The following AGRN variants were observed in gnomAD, a reference collection of about 807,000 sequenced individuals.
AGRN encodes the protein agrin proteoglycan.
AGRN carries 106 observed loss-of-function variants against 211.0 expected under a neutral mutation model. That is an observed-to-expected ratio of 0.50 (90% confidence interval 0.43 to 0.59). The LOEUF is 0.59. Among genes scored for constraint, AGRN ranks in the 20% least tolerant of loss-of-function variants. AGRN has a pLI of 0.00. For missense variants in AGRN, 3,040 were observed against 2,982.6 expected, an observed-to-expected ratio of 1.02 and a Z score of -0.45; for synonymous variants, 1,525 against 1,332.5, an observed-to-expected ratio of 1.14 and a Z score of -3.15.
At chr1:1,052,027 C>T (rs1645310396) in intron 33 of AGRN, 12 of 1,521,358 alleles carry the variant, frequency 7.9e-6, no homozygotes, top group Non-Finnish European at 9.7e-6. Context: ...GTGAGTAGAG[C>T]TCGGCGCCCC....
At chr1:1,037,051 G>A (rs1644819581) in intron 3 of AGRN, among the ~76,000 whole-genome samples, 1 of 152,186 alleles carries the variant, frequency 6.6e-6, no homozygotes, top group Non-Finnish European at 1.5e-5. Context: ...GGGCAGGAGG[G>A]TATGGACTCA....
chr1:1,036,807 G>A (rs1016279907), intron 3 of AGRN, among the ~76,000 whole-genome samples: 26 of 152,170 alleles, frequency 1.7e-4, no homozygotes, highest in Non-Finnish European at 2.9e-4. Context: ...ACCGGTCTGC[G>A]TGGCCAAGGT....
At position 1,054,861 on chromosome 1, in the gene AGRN, C is replaced by A; in HGVS notation, c.6018C>A (p.Pro2006=). The change falls in exon 36 of 36, where the codon CCC becomes CCA. Residue 2006 remains proline (P), a synonymous_variant. Coordinates refer to ENST00000379370, the MANE Select transcript of AGRN (RefSeq NM_198576.4). ...LPELPVGPAL[P]KAYGTGFVGC... ...AGCTGCCCGTGGGCCCAGCACTGCC[C>A]AAGGCCTACGGCACAGGCTTTGTGG... 1.3e-6 allele frequency: 2 copies of A among 1,558,922 alleles called. No homozygotes were observed. The highest frequency in any genetic ancestry group is 1.7e-6 in the Non-Finnish European group (2 of 1,152,982).
At chr1:1,030,389 G>T (rs1644637012) in intron 2 of AGRN, among the ~76,000 whole-genome samples, 1 of 123,202 alleles carries the variant, frequency 8.1e-6, no homozygotes, top group African/African-American at 3.0e-5. Context: ...GTGTGTGTGT[G>T]TGTGCAGTGC....
rs778437680 is a variant in AGRN, at chr1:1,043,987, C to G, written c.1963C>G (p.Gln655Glu). Residue 655 changes from glutamine (Q) to glutamate (E), a missense_variant, in exon 10 of 36, where the codon CAG (glutamine) becomes GAG (glutamate). Gln to Glu is a conservative substitution (Grantham distance 29). Around this residue, in one of 3 missense-constraint regions of AGRN, gnomAD observed 1,498 missense variants for 1,457.8 expected, o/e 1.03. Coordinates refer to ENST00000379370, the MANE Select transcript of AGRN (RefSeq NM_198576.4). ...GGAAGCCGCCTGCCTCCAGCAGACA[C>G]AGATCGAGGAGGCCCGGGCAGGGCC... The part of the protein sequence containing the change: ...LREAACLQQT[Q>E]IEEARAGPCE... 7 of 1,606,846 alleles carry G rather than the reference C, an allele frequency of 4.4e-6. No homozygotes were observed. Among genetic ancestry groups the G allele is most frequent in the Non-Finnish European group, 4.2e-6 (5 of 1,178,958 alleles).
intron 3 of AGRN, among the ~76,000 whole-genome samples, chr1:1,040,183 G>A (rs1644893774): frequency 1.3e-5 from 2 of 152,336 alleles, no homozygotes; most frequent in South Asian, 4.1e-4. Flanking sequence ...CTGCAGCAGC[G>A]CGGGAAGGGG....
rs1344161245 is a variant in AGRN, at chr1:1,049,956, G to A, written c.4798G>A (p.Ala1600Thr). The change falls in exon 27 of 36, where the codon GCG becomes ACG. Residue 1600 changes from alanine (A) to threonine (T), a missense_variant. Physicochemically the swap from Ala to Thr is moderately conservative, Grantham distance 58. Coordinates refer to ENST00000379370, the MANE Select transcript of AGRN (RefSeq NM_198576.4). ...SPCQPNPCHG[A>T]APCRVLPEGG... ...CTGCCAGCCCAACCCCTGCCATGGG[G>A]CGGCGCCCTGCCGTGTGCTGCCCGA... The A allele has an allele frequency of 1.2e-6, 2 of 1,612,290 alleles. No individual in the cohort carries two copies. Among genetic ancestry groups the A allele is most frequent in the Admixed American group, 3.3e-5 (2 of 60,004 alleles).
intron 2 of AGRN, among the ~76,000 whole-genome samples, chr1:1,023,351 A>G (rs2341363): frequency 0.35 from 53,643 of 151,986 alleles, 9,789 homozygotes; most frequent in Non-Finnish European, 0.38. Context: ...CCTGGGGGCT[A>G]TGCAGGGGGA....
chr1:1,047,430 G>A lies in AGRN; in HGVS notation c.3492G>A (p.Glu1164=). The part of the protein sequence containing the change: ...MADPKSELFG[E]TARSIESTLD... ...ACCCCAAGTCAGAACTGTTCGGGGAGACAGCCAGGAGCATTGAGAGCACCG... is the reference window on the plus strand; with the variant it reads ...ACCCCAAGTCAGAACTGTTCGGGGAAACAGCCAGGAGCATTGAGAGCACCG... The change falls in exon 20 of 36, where the codon GAG becomes GAA. Residue 1164 remains glutamate, a synonymous_variant. Transcript: ENST00000379370. The A allele has an allele frequency of 6.2e-7, 1 of 1,612,774 alleles. No homozygotes were observed. The highest frequency in any genetic ancestry group is 1.1e-5 in the South Asian group (1 of 91,076).
intron 2 of AGRN, among the ~76,000 whole-genome samples, chr1:1,030,419 G>A (rs28970610): frequency 7.9e-5 from 6 of 76,190 alleles, no homozygotes; most frequent in Admixed American, 1.4e-4. Context: ...TGAGATCAGC[G>A]TGTGTGTGTG....
chr1:1,050,547 C>T lies in AGRN; in HGVS notation c.5097C>T (p.Arg1699=), dbSNP rs1401109891. The change falls in exon 29 of 36, where the codon CGC becomes CGT. Residue 1699 remains arginine, a synonymous_variant. Coordinates refer to ENST00000379370, the MANE Select transcript of AGRN (RefSeq NM_198576.4). The part of the protein sequence containing the change: ...DFVSLALRDR[R]LEFRYDLGKG... ...TGTCGCTGGCACTGCGGGACCGCCG[C>T]CTGGAGTTCCGCTACGACCTGGGCA... The T allele has an allele frequency of 6.8e-6, 11 of 1,612,468 alleles. No homozygotes were observed. Among genetic ancestry groups the T allele is most frequent in the Admixed American group, 3.3e-5 (2 of 59,978 alleles).
intron 33 of AGRN, chr1:1,053,456 C>T (rs1259635692): frequency 6.1e-6 from 9 of 1,465,000 alleles, no homozygotes; most frequent in South Asian, 4.9e-5. Flanking sequence ...CTTCCTGCTT[C>T]TAAGCCCCGA....
chr1:1,041,224 C>A lies in AGRN; in HGVS notation c.779C>A (p.Ala260Glu). 6.8e-7 allele frequency: 1 copy of A among 1,480,478 alleles called. No individual in the cohort carries two copies. Among genetic ancestry groups the A allele is most frequent in the Non-Finnish European group, 8.9e-7 (1 of 1,121,812 alleles). The allele number at this position is 1,480,478 out of a possible 1,614,324, so 91.7% of individuals were successfully genotyped here. ...ACCTGCAGCTTCGGCAGCACCTGTG[C>A]GCGCTCGGCCGACGGGCTGACGGCC... Reference protein sequence around the residue: ...NVTCSFGSTCARSADGLTASC... With the variant: ...NVTCSFGSTCERSADGLTASC... Residue 260 changes from alanine to glutamate, a missense_variant, in exon 5 of 36, where the codon GCG (alanine) becomes GAG (glutamate). Physicochemically the swap from Ala to Glu is moderately radical, Grantham distance 107. Transcript: ENST00000379370.
chr1:1,028,525 G>A (rs1644573411), intron 2 of AGRN, among the ~76,000 whole-genome samples: 3 of 142,142 alleles, frequency 2.1e-5, no homozygotes, highest in African/African-American at 7.6e-5. Flanking sequence ...CCGAGCCCCA[G>A]CCCCTCATGG....
In AGRN at chr1:1,045,948, C is replaced by G. The variant is rs199785742; in HGVS notation, c.2681-16C>G. 1.4e-4 allele frequency: 232 copies of G among 1,613,042 alleles called. No homozygotes were observed. In the Middle Eastern group the frequency reaches 4.4e-3, roughly 31 times the overall value. On this transcript the variant is annotated splice_polypyrimidine_tract_variant and intron_variant, in intron 15 of 35. Coordinates refer to ENST00000379370, the MANE Select transcript of AGRN (RefSeq NM_198576.4). ...GGTCACCCGAGCCACAGAGGTTTCCCATGCCCGTGCCCCAGACGCTTCTGC... is the reference window on the plus strand; with the variant it reads ...GGTCACCCGAGCCACAGAGGTTTCCGATGCCCGTGCCCCAGACGCTTCTGC...
At position 1,020,204 on chromosome 1, in the gene AGRN, G is replaced by GGCCGCTGCT. The variant is rs1196847979; in HGVS notation, c.39_47dup (p.Pro15_Leu17dup). ...GGCCGGTCCCACCCGGGCCCGCTGCGGCCGCTGCTGCCGCTCCTTGTGGTG... is the reference window on the plus strand; with the variant it reads ...GGCCGGTCCCACCCGGGCCCGCTGCGGCCGCTGCTGCCGCTGCTGCCGCTCCTTGTGGTG... On this transcript the variant is annotated inframe_insertion, in exon 1 of 36. Coordinates refer to ENST00000379370, the MANE Select transcript of AGRN (RefSeq NM_198576.4). 1.3e-5 allele frequency: 18 copies of GGCCGCTGCT among 1,368,112 alleles called. No individual in the cohort carries two copies. In the Admixed American group the frequency reaches 6.1e-4, roughly 46 times the overall value. 84.7% of individuals were successfully genotyped at this position (1,368,112 alleles called of 1,614,324 possible). A position where few individuals can be genotyped will look rare whatever the true frequency, so the allele number is the denominator to read the frequency against.
chr1:1,020,151 TC>T lies in AGRN; in HGVS notation c.-20del. Reference sequence around the variant, plus strand: ...GTCCCCGGCGCGGCCCGCGCGCTCCTCCGCCGCCTCTCGCCTGCGCCATGGC... The same window carrying T: ...GTCCCCGGCGCGGCCCGCGCGCTCCTCGCCGCCTCTCGCCTGCGCCATGGC... On this transcript the variant is annotated 5_prime_UTR_variant, in exon 1 of 36. Transcript: ENST00000379370. The T allele has an allele frequency of 8.3e-7, 1 of 1,205,464 alleles. No individual in the cohort carries two copies. The highest frequency in any genetic ancestry group is 2.1e-5 in the South Asian group (1 of 47,402). 74.7% of individuals were successfully genotyped at this position (1,205,464 alleles called of 1,614,324 possible). A position where few individuals can be genotyped will look rare whatever the true frequency, so the allele number is the denominator to read the frequency against.
chr1:1,051,918 GC>G, intron 33 of AGRN, 103 bp downstream of exon 33: 2 of 1,549,064 alleles, frequency 1.3e-6, no homozygotes, highest in South Asian at 2.4e-5. Flanking sequence ...GCCCGGTGCT[GC>G]CACCTCTGTC....
At position 1,034,296 on chromosome 1, in the gene AGRN, C is replaced by T. The variant is rs979460578; in HGVS notation, c.464-981C>T. 1.0e-5 allele frequency: 10 copies of T among 985,274 alleles called. No individual in the cohort carries two copies. In the African/African-American group the frequency reaches 1.2e-4, roughly 12 times the overall value. 61.0% of individuals were successfully genotyped at this position (985,274 alleles called of 1,614,324 possible). On this transcript the variant is annotated intron_variant, in intron 2 of 35. Coordinates refer to ENST00000379370, the MANE Select transcript of AGRN (RefSeq NM_198576.4). Reference sequence around the variant, plus strand: ...GCAGGGGTGGCTGCGGGCTCCCAGTCCCTCCTCCGCCTACCTCGGAGCCCA... The same window carrying T: ...GCAGGGGTGGCTGCGGGCTCCCAGTTCCTCCTCCGCCTACCTCGGAGCCCA...
Sources: allele counts gnomAD v4.1 joint callset (sites outside exome capture counted in the v4.1 genomes callset), GRCh38; gene constraint gnomAD v4.1.1; regional missense constraint gnomAD v4.1.1; transcripts MANE v1.5; gene names NCBI Gene and HGNC (gene_info 2026-07-23, HGNC 2026-07-21).